Variants in NEK4 observed in about 807,000 individuals in gnomAD.
NEK4 encodes NIMA related kinase 4.
A neutral mutation model predicts 98.4 loss-of-function variants in NEK4; 86 were observed. That is an observed-to-expected ratio of 0.87 (90% confidence interval 0.73 to 1.05). The LOEUF (loss-of-function observed/expected upper bound fraction) is 1.05, where lower values mean the gene tolerates loss of function less well. Among genes scored for constraint, NEK4 ranks in the 50% least tolerant of loss-of-function variants. NEK4 has a pLI of 0.00. For missense variants in NEK4, 898 were observed against 950.3 expected (o/e 0.94, Z 0.72); for synonymous variants, 328 against 342.2 (o/e 0.96, Z 0.46).
At chr3:52,761,718 G>C (rs916050314) in intron 5 of NEK4, among the ~76,000 whole-genome samples, 5 of 152,140 alleles carry the variant, frequency 3.3e-5, no homozygotes, top group Non-Finnish European at 7.4e-5. Flanking sequence ...CAACTTTTCT[G>C]TTTATACAAA....
intron 2 of NEK4, among the ~76,000 whole-genome samples, chr3:52,767,521 G>A (rs1698613311): frequency 1.3e-5 from 2 of 151,714 alleles, no homozygotes; most frequent in Non-Finnish European, 2.9e-5. Flanking sequence ...AGACCAGCCT[G>A]GCCAACATGG....
intron 13 of NEK4, among the ~76,000 whole-genome samples, chr3:52,741,092 C>T (rs779597848): frequency 2.0e-5 from 3 of 151,844 alleles, no homozygotes; most frequent in South Asian, 2.1e-4. Context: ...AAAAACTAGC[C>T]GGGCATGGTG....
At chr3:52,738,543 T>G (rs2097380261) in intron 14 of NEK4, among the ~76,000 whole-genome samples, 1 of 151,958 alleles carries the variant, frequency 6.6e-6, no homozygotes, top group African/African-American at 2.4e-5. Context: ...CTCAACCTCC[T>G]GGGTTCAAGA....
intron 15 of NEK4, among the ~76,000 whole-genome samples, chr3:52,725,760 CA>C (rs1178157815): frequency 6.7e-6 from 1 of 149,428 alleles, no homozygotes; most frequent in Non-Finnish European, 1.5e-5. Context: ...TTTTTCACTA[CA>C]AAAAAAATCA....
intron 11 of NEK4, 56 bp from the exon 12 acceptor site, chr3:52,743,517 G>C (rs991114705): frequency 7.3e-7 from 1 of 1,374,484 alleles, no homozygotes; most frequent in South Asian, 1.2e-5. Flanking sequence ...CAGTTGAAAA[G>C]GGCTTTGTAT....
chr3:52,764,778 G>GCACACACACACACACACA (rs56827006), intron 4 of NEK4, among the ~76,000 whole-genome samples: 25 of 145,030 alleles, frequency 1.7e-4, no homozygotes, highest in African/African-American at 6.6e-4. Flanking sequence ...ACACACACAT[G>GCACACACACACACACACA]CACACACACA....
intron 15 of NEK4, 153 bp downstream of exon 15, chr3:52,737,433 T>A: frequency 1.4e-6 from 1 of 690,258 alleles, no homozygotes; most frequent in Non-Finnish European, 2.4e-6. Context: ...TAATATCGAT[T>A]GTGGTAATGA....
At chr3:52,758,998 G>A (rs575922374) in intron 6 of NEK4, among the ~76,000 whole-genome samples, 2 of 151,826 alleles carry the variant, frequency 1.3e-5, no homozygotes, top group South Asian at 2.1e-4. Context: ...GCTGAGGTAG[G>A]AGGATCCCTT....
At chr3:52,754,697 G>A (rs1242259934) in intron 6 of NEK4, 7 of 561,554 alleles carry the variant, frequency 1.2e-5, no homozygotes, top group Non-Finnish European at 2.1e-5. Context: ...CAACTTAAGA[G>A]ATGGTGAATC....
At chr3:52,751,779 G>A (rs2097405503) in intron 7 of NEK4, among the ~76,000 whole-genome samples, 153 bp downstream of exon 7, 1 of 152,160 alleles carries the variant, frequency 6.6e-6, no homozygotes, top group Non-Finnish European at 1.5e-5. Context: ...AGGGTACTGG[G>A]TTTCTTTTTG....
intron 5 of NEK4, among the ~76,000 whole-genome samples, chr3:52,761,369 C>A (rs1184675598): frequency 6.6e-6 from 1 of 152,144 alleles, no homozygotes; most frequent in African/African-American, 2.4e-5. Flanking sequence ...ACCTCCGCTG[C>A]CCAGGTTCAA....
At chr3:52,759,510 A>T (rs1162335403) in intron 6 of NEK4, among the ~76,000 whole-genome samples, 1 of 152,248 alleles carries the variant, frequency 6.6e-6, no homozygotes, top group African/African-American at 2.4e-5. Context: ...GGGAAATACA[A>T]ATCAAAAATA....
intron 6 of NEK4, among the ~76,000 whole-genome samples, chr3:52,758,571 T>C (rs547859093): frequency 2.0e-5 from 3 of 151,190 alleles, no homozygotes; most frequent in Admixed American, 6.6e-5. Flanking sequence ...AAAAAATAGA[T>C]AAACTGGACT....
chr3:52,722,749 A>C (rs1340837889), intron 15 of NEK4, among the ~76,000 whole-genome samples: 2 of 151,756 alleles, frequency 1.3e-5, no homozygotes, highest in Admixed American at 6.6e-5. Context: ...CAAAATGTAC[A>C]AAAAAAATAG....
intron 15 of NEK4, among the ~76,000 whole-genome samples, chr3:52,715,456 G>A (rs1301320684): frequency 1.3e-5 from 2 of 152,204 alleles, no homozygotes; most frequent in Non-Finnish European, 2.9e-5. Context: ...GCACGATCAT[G>A]GCTCACTGCA....
chr3:52,745,613 GTCCCATCTGT>G (rs967093629), intron 10 of NEK4, among the ~76,000 whole-genome samples: 1 of 151,970 alleles, frequency 6.6e-6, no homozygotes, highest in African/African-American at 2.4e-5. Context: ...GATCACATCT[GTCCCATCTGT>G]TCCTTCCAGT....
chr3:52,770,748 T>C lies in NEK4; in HGVS notation c.-2A>G. 6.4e-7 allele frequency: 1 copy of C among 1,560,632 alleles called. No homozygotes were observed. Among genetic ancestry groups the C allele is most frequent in the Non-Finnish European group, 8.7e-7 (1 of 1,153,518 alleles). On this transcript the variant is annotated 5_prime_UTR_variant, in exon 1 of 16. Coordinates refer to ENST00000233027, the MANE Select transcript of NEK4 (RefSeq NM_003157.6). The stretch of plus-strand genomic sequence containing the variant: ...GTAGCAGTAGGCGGCCAGGGGCATG[T>C]TCCCAGCGCTGGCCCAGAGTCGGGA...
rs2097347967 is a variant in NEK4, at chr3:52,709,296, A to G, written c.*2481T>C. The G allele has an allele frequency of 6.6e-6, 1 of 152,230 alleles. No individual in the cohort carries two copies. Among genetic ancestry groups the G allele is most frequent in the Non-Finnish European group, 1.5e-5 (1 of 68,042 alleles). The allele number at this position is 152,230 out of a possible 1,614,324, so 9.4% of individuals were successfully genotyped here. On this transcript the variant is annotated 3_prime_UTR_variant, in exon 16 of 16. Transcript: ENST00000233027. ...TTCGGAAGAAAATTCACAGTCTTAA[A>G]GATGAGTTTTTAAATTAATTTAGGA...
chr3:52,711,987 A>C, intron 15 of NEK4, 118 bp from the exon 16 acceptor site: 1 of 579,814 alleles, frequency 1.7e-6, no homozygotes, highest in Non-Finnish European at 3.1e-6. Flanking sequence ...ACAGGAAAAT[A>C]CTAATAGTTC....
Sources: allele counts gnomAD v4.1 joint callset (sites outside exome capture counted in the v4.1 genomes callset), GRCh38; gene constraint gnomAD v4.1.1; transcripts MANE v1.5; gene names NCBI Gene and HGNC (gene_info 2026-07-23, HGNC 2026-07-21).